The following NR1D2 variants were observed in gnomAD, a reference collection of about 807,000 sequenced individuals.
NR1D2 encodes the protein nuclear receptor subfamily 1 group D member 2.
Under a neutral mutation model 52.2 loss-of-function variants are expected in NR1D2, and 25 were observed. The ratio of observed to expected loss-of-function variants is 0.48; its 90% CI spans 0.35 to 0.67. The LOEUF (loss-of-function observed/expected upper bound fraction) is 0.67, where lower values mean the gene tolerates loss of function less well. Among genes scored for constraint, NR1D2 ranks in the 30% least tolerant of loss-of-function variants. The pLI, the probability that NR1D2 is intolerant of heterozygous loss-of-function variation, is 0.01. For missense variants in NR1D2, 681 were observed against 707.2 expected, an observed-to-expected ratio of 0.96 and a Z score of 0.42; for synonymous variants, 259 against 230.1, an observed-to-expected ratio of 1.13 and a Z score of -1.14.
intron 7 of NR1D2, among the ~76,000 whole-genome samples, chr3:23,969,921 G>A (rs1407541642): frequency 6.6e-6 from 1 of 152,136 alleles, no homozygotes; most frequent in African/African-American, 2.4e-5. Flanking sequence ...TACGAGATAG[G>A]GCCGGGGAAG....
At chr3:23,961,716 T>TA (rs1282913347) in intron 4 of NR1D2, among the ~76,000 whole-genome samples, 2 of 152,154 alleles carry the variant, frequency 1.3e-5, no homozygotes, top group Non-Finnish European at 2.9e-5. Context: ...TTTCTTTTCT[T>TA]AGACTTTGCT....
chr3:23,967,806 T>C lies in NR1D2; in HGVS notation c.1333-7T>C. 1.2e-6 allele frequency: 2 copies of C among 1,606,562 alleles called. No individual in the cohort carries two copies. Among genetic ancestry groups the C allele is most frequent in the East Asian group, 4.5e-5 (2 of 44,738 alleles). The stretch of plus-strand genomic sequence containing the variant: ...TTCTCCAAATACATTTCTTTTTCTT[T>C]TTCCAGGTTTTAATGGTACGGTTCG... On this transcript the variant is annotated splice_polypyrimidine_tract_variant and splice_region_variant and intron_variant, in intron 6 of 7. Transcript: ENST00000312521.
At chr3:23,955,887 G>T in intron 2 of NR1D2, 150 bp from the exon 3 acceptor site, 1 of 555,870 alleles carries the variant, frequency 1.8e-6, no homozygotes, top group Non-Finnish European at 3.3e-6. Flanking sequence ...GATTACTTTT[G>T]ATTTGAAAAT....
chr3:23,965,733 A>G (rs1706426769), intron 6 of NR1D2, among the ~76,000 whole-genome samples: 1 of 152,218 alleles, frequency 6.6e-6, no homozygotes, highest in East Asian at 1.9e-4. Flanking sequence ...CTGTATCTAC[A>G]GCATATGAAC....
chr3:23,971,115 C>T (rs1217032026), intron 7 of NR1D2, among the ~76,000 whole-genome samples: 1 of 151,656 alleles, frequency 6.6e-6, no homozygotes, highest in Non-Finnish European at 1.5e-5. Context: ...GTTTTTAAAG[C>T]AGTATCTAGG....
chr3:23,952,181 A>T (rs754304126), intron 1 of NR1D2, among the ~76,000 whole-genome samples: 4 of 152,220 alleles, frequency 2.6e-5, no homozygotes, highest in Admixed American at 6.5e-5. Flanking sequence ...GTTGGTTTGT[A>T]GTTAGGGACC....
intron 3 of NR1D2, among the ~76,000 whole-genome samples, chr3:23,956,612 A>G (rs187296481): frequency 6.6e-6 from 1 of 152,360 alleles, no homozygotes; most frequent in Admixed American, 6.5e-5. Flanking sequence ...ATCTTAAAAA[A>G]TAATGCCAAG....
At chr3:23,976,350 GA>G (rs1210112383) in intron 7 of NR1D2, among the ~76,000 whole-genome samples, 2 of 149,392 alleles carry the variant, frequency 1.3e-5, no homozygotes, top group African/African-American at 5.2e-5. Flanking sequence ...GTTAAGATAT[GA>G]TATGAGAGAT....
rs763906670 is a variant in NR1D2, at chr3:23,955,991, T to C, written c.284-46T>C. On this transcript the variant is annotated intron_variant, in intron 2 of 7. Coordinates refer to ENST00000312521, the MANE Select transcript of NR1D2 (RefSeq NM_005126.5). ...ATATCTAATTGGAAAGAAAACAGACTCGGTGTTTCCTCCTACTTTTTACTT... is the reference window on the plus strand; with the variant it reads ...ATATCTAATTGGAAAGAAAACAGACCCGGTGTTTCCTCCTACTTTTTACTT... 4 of 1,333,046 alleles carry C rather than the reference T, an allele frequency of 3.0e-6. No individual in the cohort carries two copies. In the African/African-American group the frequency reaches 4.3e-5, roughly 14 times the overall value. The allele number at this position is 1,333,046 out of a possible 1,614,324, so 82.6% of individuals were successfully genotyped here.
In NR1D2 at chr3:23,945,435, C is replaced by A; in HGVS notation, c.-144C>A. The A allele has an allele frequency of 3.7e-6, 1 of 271,764 alleles. No individual in the cohort carries two copies. The highest frequency in any genetic ancestry group is 5.9e-6 in the Non-Finnish European group (1 of 168,830). 16.8% of individuals were successfully genotyped at this position (271,764 alleles called of 1,614,324 possible). ...GCTGTGCGCTGCACGGCCTGGGGCCCGGGAGCCCCGCCCGCTCTGCCCATG... is the reference window on the plus strand; with the variant it reads ...GCTGTGCGCTGCACGGCCTGGGGCCAGGGAGCCCCGCCCGCTCTGCCCATG... On this transcript the variant is annotated 5_prime_UTR_variant, in exon 1 of 8. Transcript: ENST00000312521.
At chr3:23,946,288 C>G (rs1240275588) in intron 1 of NR1D2, 2 of 985,522 alleles carry the variant, frequency 2.0e-6, no homozygotes, top group South Asian at 9.4e-5. Context: ...GCAAACCAAA[C>G]GAACCGGCGC....
intron 1 of NR1D2, among the ~76,000 whole-genome samples, chr3:23,949,376 C>T (rs1043300676): frequency 1.3e-5 from 2 of 150,554 alleles, no homozygotes; most frequent in Non-Finnish European, 3.0e-5. Flanking sequence ...AAAAAAAAAA[C>T]AACAAAAAAC....
At chr3:23,957,389 T>C (rs1252752207) in intron 3 of NR1D2, among the ~76,000 whole-genome samples, 1 of 95,964 alleles carries the variant, frequency 1.0e-5, no homozygotes, top group East Asian at 2.5e-4. Context: ...TCTCTATATA[T>C]CTTTTTTTTT....
rs145082371 is a variant in NR1D2 at position 23,962,536 on chromosome 3, G to A, written c.1077G>A (p.Pro359=). ...CTCAAAGAGTATGTGATAGAGTTCC[G>A]ATAGATGGATTTTCTCAGAATGAGA... is the stretch of plus-strand genomic sequence containing the variant. The part of the protein sequence containing the change: ...AYTQRVCDRV[P]IDGFSQNENK... Residue 359 remains proline (P), a synonymous_variant, in exon 5 of 8, where the codon CCG becomes CCA. Transcript: ENST00000312521. 1.3e-4 allele frequency: 205 copies of A among 1,613,674 alleles called. No homozygotes were observed. The highest frequency in any genetic ancestry group is 1.6e-4 in the Non-Finnish European group (189 of 1,179,750).
At chr3:23,952,704 C>T (rs147020962) in intron 1 of NR1D2, among the ~76,000 whole-genome samples, 1,890 of 143,158 alleles carry the variant, frequency 0.013, 47 homozygotes, top group African/African-American at 0.048. Context: ...CCAGCCTGGA[C>T]AACAGAGTGA....
chr3:23,954,890 G>A, intron 2 of NR1D2, 87 bp downstream of exon 2: 1 of 1,236,472 alleles, frequency 8.1e-7, no homozygotes, highest in Admixed American at 1.8e-5. Flanking sequence ...TGGCCATTAT[G>A]TTTCTGGGTA....
chr3:23,955,899 T>C (rs572985723), intron 2 of NR1D2, 138 bp from the exon 3 acceptor site: 2 of 577,232 alleles, frequency 3.5e-6, no homozygotes, highest in East Asian at 2.7e-5. Flanking sequence ...TTTGAAAATA[T>C]TTTTCTTTTA....
chr3:23,977,125 C>G, intron 7 of NR1D2, 98 bp from the exon 8 acceptor site: 1 of 655,726 alleles, frequency 1.5e-6, no homozygotes, highest in Non-Finnish European at 2.3e-6. Flanking sequence ...ACCTTGCTTT[C>G]TATTCGTTAG....
At chr3:23,971,469 G>A (rs998279291) in intron 7 of NR1D2, among the ~76,000 whole-genome samples, 9 of 151,098 alleles carry the variant, frequency 6.0e-5, no homozygotes, top group South Asian at 2.1e-4. Context: ...GGGTTTCGTC[G>A]TGTTGGCCGG....
Sources: gnomAD v4.1 joint callset for allele counts (sites outside exome capture counted in the v4.1 genomes callset) on GRCh38, gnomAD v4.1.1 for gene constraint, MANE v1.5 for transcripts, NCBI Gene and HGNC (gene_info 2026-07-23, HGNC 2026-07-21) for gene names.